The following ALDH1L2 variants were observed in gnomAD, a reference collection of about 807,000 sequenced individuals.
ALDH1L2 encodes mitochondrial 10-formyltetrahydrofolate dehydrogenase.
A neutral mutation model predicts 111.0 loss-of-function variants in ALDH1L2; 91 were observed. The observed-to-expected ratio is 0.82, with a 90% CI of 0.69 to 0.98. The LOEUF (loss-of-function observed/expected upper bound fraction) is 0.98, where lower values mean the gene tolerates loss of function less well. ALDH1L2 is among the 50% of genes least tolerant of loss of function. The pLI, the probability that ALDH1L2 is intolerant of heterozygous loss-of-function variation, is 0.00. For synonymous variants in ALDH1L2, 374 were observed against 392.6 expected (o/e 0.95, Z 0.56); for missense variants, 995 against 1,126.8 (o/e 0.88, Z 1.67).
chr12:105,024,501 G>C (rs367853548), intron 22 of ALDH1L2, 22 bp from the exon 23 acceptor site: 11 of 1,611,696 alleles, frequency 6.8e-6, no homozygotes, highest in Non-Finnish European at 9.3e-6. Context: ...AAAAGCAGTT[G>C]ACAGACCACA....
Position 105,049,982 on chromosome 12 carries a change from A to G in ALDH1L2, c.1612T>C (p.Leu538=). ...EALDSGAVYT[L]ALKTHIGMSV... ...ATTCCAATGTGTGTCTTCAGGGCCA[A>G]GGTATAGACAGCCCCTGAATCAAGG... is the stretch of plus-strand genomic sequence containing the variant. Residue 538 remains leucine (L), a synonymous_variant, in exon 13 of 23, where the codon TTG becomes CTG. Coordinates refer to ENST00000258494, the MANE Select transcript of ALDH1L2 (RefSeq NM_001034173.4). 1.2e-6 allele frequency: 2 copies of G among 1,613,098 alleles called. No homozygotes were observed. The highest frequency in any genetic ancestry group is 2.7e-5 in the African/African-American group (2 of 75,030).
intron 1 of ALDH1L2, among the ~76,000 whole-genome samples, chr12:105,080,915 G>A (rs4964121): frequency 0.17 from 25,464 of 152,086 alleles, 2,247 homozygotes; most frequent in East Asian, 0.29. Flanking sequence ...TTCTGTATCC[G>A]TGGATTCAAC....
intron 20 of ALDH1L2, 81 bp downstream of exon 20, chr12:105,031,688 C>T (rs532685903): frequency 3.9e-6 from 6 of 1,528,308 alleles, no homozygotes; most frequent in Non-Finnish European, 5.3e-6. Context: ...ACCATGTTGG[C>T]CAGGCTGGTC....
chr12:105,025,991 A>G (rs757746989), intron 22 of ALDH1L2, among the ~76,000 whole-genome samples: 6 of 152,184 alleles, frequency 3.9e-5, no homozygotes, highest in Admixed American at 3.3e-4. Context: ...AAAGTAAGCT[A>G]TTGCTTGAAA....
intron 2 of ALDH1L2, among the ~76,000 whole-genome samples, chr12:105,073,517 G>A (rs554268729): frequency 1.1e-4 from 17 of 152,310 alleles, no homozygotes; most frequent in Admixed American, 4.6e-4. Context: ...TGAAGTCCAC[G>A]TATATGGCAG....
chr12:105,059,321 A>T (rs893407583), intron 9 of ALDH1L2, among the ~76,000 whole-genome samples: 24 of 146,206 alleles, frequency 1.6e-4, no homozygotes, highest in African/African-American at 5.8e-4. Flanking sequence ...ATAATAATAC[A>T]GTACTGTGTG....
intron 10 of ALDH1L2, among the ~76,000 whole-genome samples, chr12:105,057,391 C>G (rs1876697951): frequency 6.6e-6 from 1 of 152,152 alleles, no homozygotes; most frequent in Non-Finnish European, 1.5e-5. Flanking sequence ...CCATATGACT[C>G]ATCAATTCCA....
intron 1 of ALDH1L2, among the ~76,000 whole-genome samples, chr12:105,077,549 G>A (rs1878121938): frequency 6.6e-6 from 1 of 151,906 alleles, no homozygotes; most frequent in South Asian, 2.1e-4. Flanking sequence ...AAAGTGCTAG[G>A]ATTACAGGCG....
At chr12:105,049,876 T>C in intron 13 of ALDH1L2, 32 bp downstream of exon 13, 7 of 1,588,640 alleles carry the variant, frequency 4.4e-6, no homozygotes, top group Non-Finnish European at 6.0e-6. Flanking sequence ...TTAGTCCCTT[T>C]TTCTTTCAGA....
rs560420127 is a variant in ALDH1L2, at chr12:105,063,139, T to C, written c.787-117A>G. The C allele has an allele frequency of 1.1e-5, 13 of 1,180,432 alleles. No homozygotes were observed. The South Asian group carries it at 1.5e-4, about 14-fold the overall frequency. 73.1% of individuals were successfully genotyped at this position (1,180,432 alleles called of 1,614,324 possible). ...GTTCATATTATCATCTGTAATAAAA[T>C]TGAGACACCACAATGGGAGAAACTG... On this transcript the variant is annotated intron_variant, in intron 6 of 22. Transcript: ENST00000258494.
chr12:105,080,938 G>A (rs1164791300), intron 1 of ALDH1L2, among the ~76,000 whole-genome samples: 1 of 152,082 alleles, frequency 6.6e-6, no homozygotes, highest in African/African-American at 2.4e-5. Context: ...ACCATGAATC[G>A]AAAACATTTG....
At chr12:105,041,008 G>A (rs966565117) in intron 15 of ALDH1L2, among the ~76,000 whole-genome samples, 1 of 152,150 alleles carries the variant, frequency 6.6e-6, no homozygotes, top group Admixed American at 6.5e-5. Context: ...TAAGAATACG[G>A]TAAAGACATA....
Position 105,068,760 on chromosome 12 carries a change from G to A in ALDH1L2, c.553C>T (p.Leu185Phe), listed in dbSNP as rs1877516498. The A allele has an allele frequency of 1.9e-6, 3 of 1,591,296 alleles. No homozygotes were observed. Among genetic ancestry groups the A allele is most frequent in the African/African-American group, 1.4e-5 (1 of 73,924 alleles). Reference sequence around the variant, plus strand: ...TCAGGAAAAAGAAACCGATTATAAAGTGCATCCACTGTATCATTGGGTTCA... The same window carrying A: ...TCAGGAAAAAGAAACCGATTATAAAATGCATCCACTGTATCATTGGGTTCA... ...DVEPNDTVDA[L>F]YNRFLFPEGI... Residue 185 changes from leucine (L) to phenylalanine (F), a missense_variant, in exon 4 of 23, where the codon CTT (leucine) becomes TTT (phenylalanine). Coordinates refer to ENST00000258494, the MANE Select transcript of ALDH1L2 (RefSeq NM_001034173.4).
intron 15 of ALDH1L2, among the ~76,000 whole-genome samples, chr12:105,045,535 A>G (rs1464517201): frequency 6.6e-6 from 1 of 152,056 alleles, no homozygotes; most frequent in Non-Finnish European, 1.5e-5. Context: ...TGTAGAGACT[A>G]TCTCTGGGAT....
intron 12 of ALDH1L2, chr12:105,050,857 T>C (rs1274767644): frequency 4.0e-6 from 1 of 250,262 alleles, no homozygotes; most frequent in Non-Finnish European, 8.1e-6. Context: ...GCCCCCATGA[T>C]TCAGTGACCT....
At chr12:105,064,534 T>C (rs911600867) in intron 6 of ALDH1L2, among the ~76,000 whole-genome samples, 1 of 152,192 alleles carries the variant, frequency 6.6e-6, no homozygotes, top group Non-Finnish European at 1.5e-5. Context: ...GCTTAACTGC[T>C]GAGATTATCA....
At chr12:105,074,141 A>G (rs1877893972) in intron 1 of ALDH1L2, 136 bp from the exon 2 acceptor site, 2 of 1,103,554 alleles carry the variant, frequency 1.8e-6, no homozygotes, top group Non-Finnish European at 1.3e-6. Context: ...AGACTTCACC[A>G]CTACTCAATA....
At chr12:105,032,898 C>T (rs1424459888) in intron 19 of ALDH1L2, among the ~76,000 whole-genome samples, 2 of 151,876 alleles carry the variant, frequency 1.3e-5, no homozygotes, top group Non-Finnish European at 2.9e-5. Flanking sequence ...CTGGTGTAGC[C>T]ATGCCAGATG....
chr12:105,030,530 G>T, intron 20 of ALDH1L2, 101 bp from the exon 21 acceptor site: 1 of 965,918 alleles, frequency 1.0e-6, no homozygotes, highest in East Asian at 2.8e-5. Context: ...CTTTCCCTCT[G>T]GCCCAGTAAA....
Sources: gnomAD v4.1 joint callset for allele counts (sites outside exome capture counted in the v4.1 genomes callset) on GRCh38, gnomAD v4.1.1 for gene constraint, MANE v1.5 for transcripts, NCBI Gene and HGNC (gene_info 2026-07-23, HGNC 2026-07-21) for gene names.